The following DDAH1 variants were observed in gnomAD, a reference collection of about 807,000 sequenced individuals.
DDAH1 encodes the protein N(G),N(G)-dimethylarginine dimethylaminohydrolase 1.
A neutral mutation model predicts 28.8 loss-of-function variants in DDAH1; 19 were observed. That is an observed-to-expected ratio of 0.66 (90% CI 0.46 to 0.97). The LOEUF is 0.97. Ranked by LOEUF, DDAH1 falls within the 50% of genes least tolerant of loss-of-function variation. The pLI is 0.00. For synonymous variants in DDAH1, 153 were observed against 154.4 expected (o/e 0.99, Z 0.07); for missense variants, 326 against 375.9 (o/e 0.87, Z 1.10).
chr1:85,505,789 C>A (rs1656993419), intron 1 of DDAH1, among the ~76,000 whole-genome samples: 1 of 152,168 alleles, frequency 6.6e-6, no homozygotes, highest in Non-Finnish European at 1.5e-5. Context: ...TGACTTCCTA[C>A]AATAGACAAA....
At chr1:85,501,783 C>T (rs1406631395) in intron 1 of DDAH1, among the ~76,000 whole-genome samples, 3 of 152,114 alleles carry the variant, frequency 2.0e-5, no homozygotes, top group Admixed American at 6.6e-5. Flanking sequence ...ATATTTTGTC[C>T]AGTTTTACAG....
chr1:85,351,060 GTT>G (rs35352719), intron 3 of DDAH1, among the ~76,000 whole-genome samples: 4,946 of 137,112 alleles, frequency 0.036, 269 homozygotes, highest in African/African-American at 0.12. Flanking sequence ...GGGTTTCCAA[GTT>G]TTTTTTTTTT....
At chr1:85,353,298 G>C (rs1172495541) in intron 2 of DDAH1, among the ~76,000 whole-genome samples, 1 of 152,148 alleles carries the variant, frequency 6.6e-6, no homozygotes, top group South Asian at 2.1e-4. Context: ...ATGTGGAAAA[G>C]ATATTCAAAG....
intron 1 of DDAH1, among the ~76,000 whole-genome samples, chr1:85,435,604 C>T (rs1371686551): frequency 6.6e-6 from 1 of 152,040 alleles, no homozygotes; most frequent in Non-Finnish European, 1.5e-5. Context: ...GTAAGGGGAA[C>T]AGAAATGCAG....
At chr1:85,568,397 T>C (rs1659363971) in intron 1 of DDAH1, among the ~76,000 whole-genome samples, 2 of 152,188 alleles carry the variant, frequency 1.3e-5, no homozygotes, top group South Asian at 4.1e-4. Flanking sequence ...TGGAGCACTG[T>C]CATTTTACCC....
chr1:85,336,208 A>C (rs2100811638), intron 4 of DDAH1, among the ~76,000 whole-genome samples: 1 of 152,250 alleles, frequency 6.6e-6, no homozygotes, highest in South Asian at 2.1e-4. Context: ...CATTCTTCTT[A>C]TTAGCACATC....
intron 2 of DDAH1, among the ~76,000 whole-genome samples, chr1:85,474,821 C>A (rs1351113637): frequency 6.6e-6 from 1 of 152,128 alleles, no homozygotes. Flanking sequence ...TTATACTAGG[C>A]CCCTTCCAGC....
Position 85,483,086 on chromosome 1 carries a change from T to G in DDAH1, c.-7+13080A>C, listed in dbSNP as rs569333341. Among the ~76,000 whole-genome samples, 4 of 151,310 alleles carry G rather than the reference T, an allele frequency of 2.6e-5. No homozygotes were observed. In the South Asian group the frequency reaches 8.4e-4, roughly 32 times the overall value. On this transcript the variant is annotated intron_variant, in intron 2 of 6. Transcript: ENST00000426972. ...CTAAAAAACTGTGCGTGGTGGCACA[T>G]GCCTATAGTCCCAGCTACTCGGAAG...
intron 1 of DDAH1, among the ~76,000 whole-genome samples, chr1:85,381,297 G>GT (rs1240323086): frequency 6.1e-5 from 9 of 147,668 alleles, no homozygotes; most frequent in African/African-American, 1.5e-4. Flanking sequence ...TTTGTTTTTT[G>GT]TTTTTTTGCA....
intron 1 of DDAH1, among the ~76,000 whole-genome samples, chr1:85,461,569 CT>C (rs898131093): frequency 2.2e-4 from 34 of 152,128 alleles, no homozygotes; most frequent in African/African-American, 8.0e-4. Flanking sequence ...CATAATAGAA[CT>C]TTTGGGACCT....
At chr1:85,443,088 T>C (rs1654274305) in intron 1 of DDAH1, among the ~76,000 whole-genome samples, 1 of 152,226 alleles carries the variant, frequency 6.6e-6, no homozygotes, top group African/African-American at 2.4e-5. Flanking sequence ...GTTTTAGACA[T>C]GAAGTCCTTG....
intron 1 of DDAH1, among the ~76,000 whole-genome samples, chr1:85,501,317 G>A (rs1349983875): frequency 6.6e-6 from 1 of 152,030 alleles, no homozygotes; most frequent in Non-Finnish European, 1.5e-5. Flanking sequence ...GCCTTTCTTG[G>A]TTCTTCACTG....
Position 85,570,876 on chromosome 1 carries a change from CA to C in DDAH1, c.-123+7107del, listed in dbSNP as rs34641848. 6.2e-3 allele frequency among the ~76,000 whole-genome samples: 847 copies of C among 136,468 alleles called. 6 individuals carry two copies. Among genetic ancestry groups the C allele is most frequent in the African/African-American group, 0.019 (714 of 36,700 alleles). 89.5% of individuals were successfully genotyped at this position (136,468 alleles called of 152,430 possible). A position where few individuals can be genotyped will look rare whatever the true frequency, so the allele number is the denominator to read the frequency against. ...CTCTATAAAGGCGAAGTGGTGGTAA[CA>C]AAAAAAAAAAGAGAGAAAAATGGCA... On this transcript the variant is annotated intron_variant, in intron 1 of 6. Coordinates refer to the DDAH1 transcript ENST00000426972.
Position 85,324,727 on chromosome 1 carries a change from GA to G in DDAH1, c.741+12del. On this transcript the variant is annotated intron_variant, in intron 5 of 5. Transcript: ENST00000284031. ...TGACCCAGCTGCAGTGGTCAGAAGGGATATTTTTTTACCTTTGCACTTTCTG... is the reference window on the plus strand; with the variant it reads ...TGACCCAGCTGCAGTGGTCAGAAGGGTATTTTTTTACCTTTGCACTTTCTG... 6.2e-7 allele frequency: 1 copy of G among 1,614,046 alleles called. No individual in the cohort carries two copies. Among genetic ancestry groups the G allele is most frequent in the Non-Finnish European group, 8.5e-7 (1 of 1,179,988 alleles).
chr1:85,463,014 G>A (rs77834831), intron 1 of DDAH1, among the ~76,000 whole-genome samples: 2,544 of 152,298 alleles, frequency 0.017, 64 homozygotes, highest in East Asian at 0.11. Context: ...TTGTGAAACA[G>A]GTATTATTAT....
chr1:85,411,697 T>C (rs1267117030), intron 1 of DDAH1, among the ~76,000 whole-genome samples: 1 of 152,216 alleles, frequency 6.6e-6, no homozygotes, highest in Non-Finnish European at 1.5e-5. Flanking sequence ...ATAGCTGCCA[T>C]GATGGCAACT....
intron 1 of DDAH1, among the ~76,000 whole-genome samples, chr1:85,540,058 T>C (rs1162495490): frequency 6.6e-6 from 1 of 152,092 alleles, no homozygotes; most frequent in Non-Finnish European, 1.5e-5. Flanking sequence ...GATTCAATAA[T>C]CTCTTTTTAA....
At chr1:85,325,230 A>G (rs1336789389) in intron 4 of DDAH1, among the ~76,000 whole-genome samples, 1 of 152,196 alleles carries the variant, frequency 6.6e-6, no homozygotes, top group Non-Finnish European at 1.5e-5. Flanking sequence ...GGGTTTTGAT[A>G]TCTTTGGCTG....
At chr1:85,577,935 G>A (rs750714501) in intron 1 of DDAH1, 175 of 983,642 alleles carry the variant, frequency 1.8e-4, no homozygotes, top group Non-Finnish European at 1.9e-4. Context: ...GGGTGAAGGA[G>A]AAACTAGCAA....
Sources: allele counts gnomAD v4.1 joint callset (sites outside exome capture counted in the v4.1 genomes callset), GRCh38; gene constraint gnomAD v4.1.1; transcripts MANE v1.5; gene names NCBI Gene and HGNC (gene_info 2026-07-23, HGNC 2026-07-21).